The following RBFOX1 variants were observed in gnomAD, a reference collection of about 807,000 sequenced individuals.
RBFOX1 encodes the protein RNA binding protein fox-1 homolog 1.
In RBFOX1, 8 loss-of-function variants were observed where a neutral mutation model predicts 57.7. That is an observed-to-expected ratio of 0.14 (90% CI 0.08 to 0.25). The LOEUF (loss-of-function observed/expected upper bound fraction) is 0.25, where lower values mean the gene tolerates loss of function less well. Ranked by LOEUF, RBFOX1 falls within the 10% of genes least tolerant of loss-of-function variation. The probability of loss-of-function intolerance (pLI) is 1.00; values close to 1 mark genes in which losing one functional copy is unlikely to be tolerated. For missense variants in RBFOX1, 611 were observed against 548.5 expected, an observed-to-expected ratio of 1.11 and a Z score of -1.14; for synonymous variants, 326 against 222.4, an observed-to-expected ratio of 1.47 and a Z score of -4.15.
chr16:7,386,170 A>G (rs2097876819), intron 4 of RBFOX1, among the ~76,000 whole-genome samples: 1 of 152,082 alleles, frequency 6.6e-6, no homozygotes, highest in Admixed American at 6.6e-5. Context: ...CAGAGATATC[A>G]GATGTAGGGC....
intron 1 of RBFOX1, among the ~76,000 whole-genome samples, chr16:6,076,812 G>A (rs2095908927): frequency 6.6e-6 from 1 of 152,132 alleles, no homozygotes; most frequent in Non-Finnish European, 1.5e-5. Flanking sequence ...CTTGGTAAAG[G>A]TACAAAAAGC....
chr16:6,829,487 A>AC (rs1267732495), intron 3 of RBFOX1, among the ~76,000 whole-genome samples: 1 of 148,318 alleles, frequency 6.7e-6, no homozygotes, highest in Non-Finnish European at 1.5e-5. Flanking sequence ...CCATTAAAAA[A>AC]AAAAAAAACA....
intron 1 of RBFOX1, among the ~76,000 whole-genome samples, chr16:5,351,948 C>T (rs2065270877): frequency 2.6e-5 from 4 of 152,082 alleles, no homozygotes; most frequent in Non-Finnish European, 4.4e-5. Flanking sequence ...GGATTACAGG[C>T]GCCCGCCACC....
intron 2 of RBFOX1, among the ~76,000 whole-genome samples, chr16:6,557,034 C>T (rs775731983): frequency 0.018 from 1,264 of 70,912 alleles, 18 homozygotes; most frequent in African/African-American, 0.056. Context: ...TACATATATA[C>T]ACATATATAT....
At chr16:6,779,432 G>C (rs2079959076) in intron 3 of RBFOX1, among the ~76,000 whole-genome samples, 1 of 151,718 alleles carries the variant, frequency 6.6e-6, no homozygotes, top group East Asian at 1.9e-4. Flanking sequence ...GGACACTCAG[G>C]TTGATTTCAT....
chr16:7,609,967 G>A lies in RBFOX1; in HGVS notation c.676+2629G>A, dbSNP rs561702371. On this transcript the variant is annotated intron_variant, in intron 10 of 15. Coordinates refer to ENST00000550418, the MANE Select transcript of RBFOX1 (RefSeq NM_018723.4). The stretch of plus-strand genomic sequence containing the variant: ...TGAGTAGCTGGGACTACAGGTATCC[G>A]CCACCATGCCCGGCTAATTTTTGTA... Among the ~76,000 whole-genome samples, 51 of 148,274 alleles carry A rather than the reference G, an allele frequency of 3.4e-4. 2 individuals are homozygous for A. The South Asian group carries it at 5.0e-3, about 14-fold the overall frequency.
chr16:6,587,554 T>C (rs1187857709), intron 2 of RBFOX1, among the ~76,000 whole-genome samples: 1 of 152,144 alleles, frequency 6.6e-6, no homozygotes, highest in African/African-American at 2.4e-5. Flanking sequence ...ATTGCTGGGA[T>C]TACAGACATG....
At chr16:6,190,108 T>C (rs1158793568) in intron 1 of RBFOX1, among the ~76,000 whole-genome samples, 1 of 152,244 alleles carries the variant, frequency 6.6e-6, no homozygotes, top group Non-Finnish European at 1.5e-5. Context: ...AGTGGAATAC[T>C]ATTTTGATTA....
chr16:6,506,378 C>T (rs1419173159), intron 2 of RBFOX1, among the ~76,000 whole-genome samples: 1 of 151,970 alleles, frequency 6.6e-6, no homozygotes, highest in Non-Finnish European at 1.5e-5. Context: ...TTGAAAACAG[C>T]TTGGGTGAAG....
At chr16:7,652,605 A>G (rs2065311987) in intron 11 of RBFOX1, among the ~76,000 whole-genome samples, 1 of 152,086 alleles carries the variant, frequency 6.6e-6, no homozygotes, top group African/African-American at 2.4e-5. Context: ...ATGGGGTTTC[A>G]CCGTATTGGC....
At chr16:6,529,070 C>A (rs574279438) in intron 2 of RBFOX1, among the ~76,000 whole-genome samples, 290 of 152,254 alleles carry the variant, frequency 1.9e-3, no homozygotes, top group African/African-American at 6.6e-3. Context: ...AAAAAAACTT[C>A]TTGTAAACCG....
At chr16:6,831,065 C>T (rs535647134) in intron 3 of RBFOX1, among the ~76,000 whole-genome samples, 5 of 152,190 alleles carry the variant, frequency 3.3e-5, no homozygotes, top group Admixed American at 2.0e-4. Context: ...ATCAAATGTA[C>T]CTCAACCTCC....
Position 6,553,226 on chromosome 16 carries a change from A to G in RBFOX1, c.-63-101377A>G, listed in dbSNP as rs1446671381. Among the ~76,000 whole-genome samples, 4 of 152,226 alleles carry G rather than the reference A, an allele frequency of 2.6e-5. No homozygotes were observed. In the East Asian group the frequency reaches 7.7e-4, roughly 29 times the overall value. ...CACGCTATGGATTTGAGATGTGAAC[A>G]GGCAAGAAGGGTCATCACTATAAAT... On this transcript the variant is annotated intron_variant, in intron 2 of 15. Transcript: ENST00000550418.
chr16:7,253,130 C>T (rs1209374278), intron 4 of RBFOX1, among the ~76,000 whole-genome samples: 1 of 152,168 alleles, frequency 6.6e-6, no homozygotes, highest in South Asian at 2.1e-4. Context: ...AATCTGTTTG[C>T]ATTTTGATGG....
At chr16:7,445,149 A>C (rs2098798592) in intron 4 of RBFOX1, among the ~76,000 whole-genome samples, 2 of 152,044 alleles carry the variant, frequency 1.3e-5, no homozygotes, top group South Asian at 4.2e-4. Flanking sequence ...AGTCCCTTTT[A>C]AAGGGCTCAG....
chr16:5,475,721 G>A (rs1381256840), intron 2 of RBFOX1, among the ~76,000 whole-genome samples: 1 of 152,236 alleles, frequency 6.6e-6, no homozygotes, highest in Non-Finnish European at 1.5e-5. Flanking sequence ...GTGAGTCTTT[G>A]AGGTTTCATA....
At chr16:5,668,895 T>C (rs1316773887) in intron 3 of RBFOX1, among the ~76,000 whole-genome samples, 1 of 152,156 alleles carries the variant, frequency 6.6e-6, no homozygotes, top group Non-Finnish European at 1.5e-5. Flanking sequence ...CTTATCTCAG[T>C]TCACAGTTTT....
chr16:7,609,185 T>G (rs776017911), intron 10 of RBFOX1, among the ~76,000 whole-genome samples: 1 of 152,166 alleles, frequency 6.6e-6, no homozygotes, highest in Non-Finnish European at 1.5e-5. Flanking sequence ...CATATCTGAG[T>G]GCATATTTTC....
In RBFOX1 at chr16:6,518,556, C is replaced by T. The variant is rs191831935; in HGVS notation, c.-63-136047C>T. ...TCCAGTTCAAAATCATGCTCTGGCA[C>T]CTCCTGTGCTGGGAAAACATCCTGG... On this transcript the variant is annotated intron_variant, in intron 2 of 15. Transcript: ENST00000550418. Among the ~76,000 whole-genome samples, 29 of 152,254 alleles carry T rather than the reference C, an allele frequency of 1.9e-4. 1 individual carries two copies. In the East Asian group the frequency reaches 4.3e-3, roughly 22 times the overall value.
Sources: gnomAD v4.1 joint callset for allele counts (sites outside exome capture counted in the v4.1 genomes callset) on GRCh38, gnomAD v4.1.1 for gene constraint, MANE v1.5 for transcripts, NCBI Gene and HGNC (gene_info 2026-07-23, HGNC 2026-07-21) for gene names.